SCAF11: variants seen among roughly 807,000 people sequenced by gnomAD.
SCAF11 encodes protein SCAF11.
Under a neutral mutation model 140.5 loss-of-function variants are expected in SCAF11, and 47 were observed. The observed-to-expected ratio is 0.33, with a 90% CI of 0.26 to 0.43. The LOEUF (loss-of-function observed/expected upper bound fraction) is 0.43, where lower values mean the gene tolerates loss of function less well. Ranked by LOEUF, SCAF11 falls within the 20% of genes least tolerant of loss-of-function variation. The probability of loss-of-function intolerance (pLI) is 1.00; values close to 1 mark genes in which losing one functional copy is unlikely to be tolerated. For synonymous variants in SCAF11, 557 were observed against 579.4 expected (o/e 0.96, Z 0.55); for missense variants, 1,645 against 1,705.1 (o/e 0.96, Z 0.62).
intron 1 of SCAF11, among the ~76,000 whole-genome samples, chr12:45,967,286 A>G (rs1456786884): frequency 6.6e-6 from 1 of 152,126 alleles, no homozygotes; most frequent in Non-Finnish European, 1.5e-5. Flanking sequence ...TAAGACCCAT[A>G]TAGTGAAATA....
chr12:45,929,894 A>G (rs1259842944), intron 10 of SCAF11: 1 of 152,188 alleles, frequency 6.6e-6, no homozygotes, highest in African/African-American at 2.4e-5. Flanking sequence ...CAACACAGGG[A>G]TTAGGAGCAC....
rs376607765 is a variant in SCAF11 at position 45,927,563 on chromosome 12, T to C, written c.2138A>G (p.Asn713Ser). 1.9e-4 allele frequency: 312 copies of C among 1,613,610 alleles called. No homozygotes were observed. Among genetic ancestry groups the C allele is most frequent in the Non-Finnish European group, 2.6e-4 (303 of 1,179,958 alleles). Residue 713 changes from asparagine to serine, a missense_variant, in exon 11 of 15, where the codon AAC (asparagine) becomes AGC (serine). By Grantham distance (46) the Asn-to-Ser change is conservative (BLOSUM62 1). Coordinates refer to ENST00000369367, the MANE Select transcript of SCAF11 (RefSeq NM_004719.3). ...EQIQKHFSEDNNEMIPMECDS... is the reference protein window; with the variant it reads ...EQIQKHFSEDSNEMIPMECDS... The stretch of plus-strand genomic sequence containing the variant: ...ACACTCCATAGGTATCATTTCATTG[T>C]TGTCCTCACTAAAATGCTTCTGAAT...
chr12:45,934,945 G>A (rs1945136109), intron 6 of SCAF11: 1 of 152,450 alleles, frequency 6.6e-6, no homozygotes, highest in African/African-American at 2.4e-5. Context: ...AGGTGGCCTG[G>A]GGCCATCAGC....
At chr12:45,925,709 A>G (rs1326992058) in intron 11 of SCAF11, among the ~76,000 whole-genome samples, 1 of 152,156 alleles carries the variant, frequency 6.6e-6, no homozygotes, top group Non-Finnish European at 1.5e-5. Context: ...TACATCTTCA[A>G]CAGCCTTTAT....
In SCAF11 at chr12:45,934,273, T is replaced by C. The variant is rs1431105445; in HGVS notation, c.535A>G (p.Asn179Asp). 1 of 1,607,662 alleles carries C rather than the reference T, an allele frequency of 6.2e-7. No individual in the cohort carries two copies. Among genetic ancestry groups the C allele is most frequent in the East Asian group, 2.2e-5 (1 of 44,720 alleles). ...AIKINKPQRS[N>D]WSTNQCFRNF... ...CTGAAGCACTGATTTGTACTCCAAT[T>C]TGATCTCTGAGGCTAGAAAAGTAAA... The change falls in exon 8 of 15, where the codon AAT becomes GAT. Residue 179 changes from asparagine to aspartate, a missense_variant. Asn to Asp is a conservative substitution (Grantham distance 23, BLOSUM62 1). Coordinates refer to ENST00000369367, the MANE Select transcript of SCAF11 (RefSeq NM_004719.3).
intron 6 of SCAF11, among the ~76,000 whole-genome samples, chr12:45,935,426 T>C (rs1945148489): frequency 6.6e-6 from 1 of 152,206 alleles, no homozygotes; most frequent in African/African-American, 2.4e-5. Context: ...GCCTTACCCC[T>C]TTGAAAATCT....
At chr12:45,945,810 G>A (rs1031532166) in intron 5 of SCAF11, among the ~76,000 whole-genome samples, 1 of 151,924 alleles carries the variant, frequency 6.6e-6, no homozygotes, top group Non-Finnish European at 1.5e-5. Flanking sequence ...TGGAATTACA[G>A]GTGTAAGCTA....
At chr12:45,941,913 T>G (rs1224605369) in intron 6 of SCAF11, among the ~76,000 whole-genome samples, 1 of 152,182 alleles carries the variant, frequency 6.6e-6, no homozygotes, top group Non-Finnish European at 1.5e-5. Flanking sequence ...TTTCTGCCAT[T>G]GCCATCCAAG....
At chr12:45,976,351 A>G (rs569509196) in intron 1 of SCAF11, among the ~76,000 whole-genome samples, 3 of 152,318 alleles carry the variant, frequency 2.0e-5, no homozygotes, top group Non-Finnish European at 4.4e-5. Context: ...CCACATTCAC[A>G]TAACTTTTAT....
At position 45,948,525 on chromosome 12, in the gene SCAF11, T is replaced by G. The variant is rs1262254528; in HGVS notation, c.310A>C (p.Lys104Gln). The G allele has an allele frequency of 3.7e-6, 6 of 1,608,780 alleles. No homozygotes were observed. Among genetic ancestry groups the G allele is most frequent in the Non-Finnish European group, 5.1e-6 (6 of 1,177,144 alleles). ...TTGTCTTTTGTTTCTCTCAGCTGTT[T>G]TTTTACTTGAACCTATGAGAAAAGC... ...LEGYVKVQVK[K>Q]QLRETKDKKN... is the part of the protein sequence containing the mutation. Residue 104 changes from lysine to glutamine, a missense_variant, in exon 5 of 15, where the codon AAA (lysine) becomes CAA (glutamine). Transcript: ENST00000369367.
chr12:45,953,744 G>T, intron 3 of SCAF11: 1 of 339,294 alleles, frequency 2.9e-6, no homozygotes, highest in Non-Finnish European at 5.6e-6. Flanking sequence ...TGCTACTTTC[G>T]TATCTTTTTA....
At chr12:45,944,224 T>C (rs1368745211) in intron 6 of SCAF11, among the ~76,000 whole-genome samples, 3 of 152,174 alleles carry the variant, frequency 2.0e-5, no homozygotes, top group Non-Finnish European at 4.4e-5. Flanking sequence ...TCTACAGCAA[T>C]GACATAGAAA....
At chr12:45,974,109 ATATGTT>A (rs1946177480) in intron 1 of SCAF11, 2 of 442,632 alleles carry the variant, frequency 4.5e-6, no homozygotes, top group African/African-American at 4.1e-5. Context: ...TTCCTAGTAT[ATATGTT>A]TATATTATAC....
upstream of SCAF11, chr12:45,992,015 C>T (rs769589960): frequency 2.3e-6 from 3 of 1,288,846 alleles, no homozygotes; most frequent in African/African-American, 4.6e-5. Flanking sequence ...CACTTTGCCG[C>T]GGCCCCGCCG....
intron 1 of SCAF11, among the ~76,000 whole-genome samples, chr12:45,977,963 A>G (rs1699262150): frequency 6.6e-6 from 1 of 152,208 alleles, no homozygotes; most frequent in Non-Finnish European, 1.5e-5. Flanking sequence ...ATGGGTGATC[A>G]CCAAAAGAAG....
Position 45,927,122 on chromosome 12 carries a change from C to T in SCAF11, c.2579G>A (p.Arg860Lys), listed in dbSNP as rs147889936. 1.2e-6 allele frequency: 2 copies of T among 1,614,162 alleles called. No individual in the cohort carries two copies. The highest frequency in any genetic ancestry group is 1.3e-5 in the African/African-American group (1 of 75,034). Residue 860 changes from arginine to lysine, a missense_variant, in exon 11 of 15, where the codon AGG (arginine) becomes AAG (lysine). Physicochemically the swap from Arg to Lys is conservative, Grantham distance 26. Coordinates refer to ENST00000369367, the MANE Select transcript of SCAF11 (RefSeq NM_004719.3). ...TTTTGGAGACCGAGACTGAGATTGCCTCCTTTCTCTTGCAATATCCTTTTT... is the reference window on the plus strand; with the variant it reads ...TTTTGGAGACCGAGACTGAGATTGCTTCCTTTCTCTTGCAATATCCTTTTT... Reference protein sequence around the residue: ...SPKKDIARERRQSQSRSPKRD... With the variant: ...SPKKDIARERKQSQSRSPKRD...
intron 3 of SCAF11, chr12:45,953,857 C>A (rs2136585535): frequency 1.0e-6 from 1 of 992,592 alleles, no homozygotes; most frequent in South Asian, 1.4e-5. Flanking sequence ...ATAAATAATT[C>A]CTAGAAGAAA....
At chr12:45,955,208 G>C (rs1945656689) in intron 3 of SCAF11, 1 of 152,024 alleles carries the variant, frequency 6.6e-6, no homozygotes, top group Admixed American at 6.6e-5. Context: ...TGCCCAGGCT[G>C]TAGTGCAGCG....
chr12:45,928,741 TGTA>T lies in SCAF11; in HGVS notation c.957_959del (p.Thr320del). ...CTCTTGTGTTACGTGTAGACCTCCT[TGTA>T]GGAGTTGTCATTGCAGGTTTTCGTC... On this transcript the variant is annotated inframe_deletion, in exon 11 of 15. Transcript: ENST00000369367. 6.2e-7 allele frequency: 1 copy of T among 1,614,050 alleles called. No homozygotes were observed. Among genetic ancestry groups the T allele is most frequent in the Non-Finnish European group, 8.5e-7 (1 of 1,179,980 alleles).
Sources: gnomAD v4.1 joint callset for allele counts (sites outside exome capture counted in the v4.1 genomes callset) on GRCh38, gnomAD v4.1.1 for gene constraint, MANE v1.5 for transcripts, NCBI Gene and HGNC (gene_info 2026-07-23, HGNC 2026-07-21) for gene names.